DPF3: variants seen among roughly 807,000 people sequenced by gnomAD.
DPF3 encodes double PHD fingers 3, also known as zinc finger protein DPF3.
DPF3 carries 18 observed loss-of-function variants against 56.8 expected under a neutral mutation model. That is an observed-to-expected ratio of 0.32 (90% confidence interval 0.22 to 0.47). DPF3 has a LOEUF of 0.47. Ranked by LOEUF, DPF3 falls within the 20% of genes least tolerant of loss-of-function variation. DPF3 has a pLI of 1.00. For missense variants in DPF3, 403 were observed against 488.8 expected (o/e 0.82, Z 1.65); for synonymous variants, 188 against 180.2 (o/e 1.04, Z -0.35).
At position 72,822,446 on chromosome 14, in the gene DPF3, C is replaced by G. The variant is rs151320517; in HGVS notation, c.33-50553G>C. 3.7e-4 allele frequency among the ~76,000 whole-genome samples: 56 copies of G among 152,028 alleles called. 1 individual carries two copies. In the East Asian group the frequency reaches 4.4e-3, roughly 12 times the overall value. On this transcript the variant is annotated intron_variant, in intron 1 of 10. Coordinates refer to ENST00000556509, the MANE Select transcript of DPF3 (RefSeq NM_001280542.3). The stretch of plus-strand genomic sequence containing the variant: ...TTAAAAAATTTTTAAAGGTGCAGAA[C>G]AGGGCACTTGGAATGCTACTATTTG...
At chr14:72,712,667 G>A (rs1439671291) in intron 6 of DPF3, among the ~76,000 whole-genome samples, 1 of 152,174 alleles carries the variant, frequency 6.6e-6, no homozygotes, top group East Asian at 1.9e-4. Context: ...GAAACCAGGA[G>A]TTCAAGACCA....
chr14:72,764,953 G>A (rs1034393379), intron 2 of DPF3, among the ~76,000 whole-genome samples: 3 of 152,202 alleles, frequency 2.0e-5, no homozygotes, highest in East Asian at 1.9e-4. Context: ...GGAATCTGAC[G>A]ATATCTCACA....
At chr14:72,735,105 G>T (rs1889835709) in intron 3 of DPF3, among the ~76,000 whole-genome samples, 2 of 152,086 alleles carry the variant, frequency 1.3e-5, no homozygotes, top group African/African-American at 4.8e-5. Flanking sequence ...TAATTAGGCT[G>T]CATGGACTCC....
intron 1 of DPF3, among the ~76,000 whole-genome samples, chr14:72,886,724 C>T (rs1318517932): frequency 1.3e-5 from 2 of 152,072 alleles, no homozygotes; most frequent in African/African-American, 4.8e-5. Flanking sequence ...TCCCCCTTCT[C>T]TTTATGCTTG....
chr14:72,883,273 C>T (rs1286350408), intron 1 of DPF3, among the ~76,000 whole-genome samples: 1 of 152,036 alleles, frequency 6.6e-6, no homozygotes, highest in Non-Finnish European at 1.5e-5. Flanking sequence ...CCAGCCTGGG[C>T]AGCACAGTGA....
chr14:72,721,133 TAGAGATA>T (rs1039069062), intron 5 of DPF3, among the ~76,000 whole-genome samples: 3 of 152,142 alleles, frequency 2.0e-5, no homozygotes, highest in African/African-American at 4.8e-5. Flanking sequence ...AGTGCAGAAA[TAGAGATA>T]GGAGTCTAAA....
intron 1 of DPF3, among the ~76,000 whole-genome samples, chr14:72,846,126 T>TATTTTA (rs1555512645): frequency 1.5e-5 from 2 of 131,878 alleles, no homozygotes; most frequent in African/African-American, 5.7e-5. Flanking sequence ...TATTTTATTT[T>TATTTTA]ATTTGAGACA....
At chr14:72,731,605 G>A in intron 4 of DPF3, 1 of 640,720 alleles carries the variant, frequency 1.6e-6, no homozygotes, top group South Asian at 2.0e-5. Flanking sequence ...GGGAACCGAG[G>A]TGAAGGCAAT....
In DPF3 at chr14:72,838,908, C is replaced by CTTTTTTTTTTTTTTTT. The variant is rs376458640; in HGVS notation, c.32+55133_32+55148dup. On this transcript the variant is annotated intron_variant, in intron 1 of 10. Transcript: ENST00000556509. ...TATCATATATATTATCATATATATT[C>CTTTTTTTTTTTTTTTT]TTTTTTTTTTTTTTTTTTTTTTTTT... 2.5e-4 allele frequency among the ~76,000 whole-genome samples: 20 copies of CTTTTTTTTTTTTTTTT among 78,584 alleles called. 6 individuals carry two copies. Among genetic ancestry groups the CTTTTTTTTTTTTTTTT allele is most frequent in the African/African-American group, 1.2e-3 (18 of 14,408 alleles). 51.6% of individuals were successfully genotyped at this position (78,584 alleles called of 152,430 possible).
chr14:72,796,774 C>T (rs1442307364), intron 1 of DPF3, among the ~76,000 whole-genome samples: 1 of 152,134 alleles, frequency 6.6e-6, no homozygotes, highest in Non-Finnish European at 1.5e-5. Context: ...CTCAAATACC[C>T]TGTGAGTGGT....
intron 3 of DPF3, among the ~76,000 whole-genome samples, chr14:72,741,757 C>T (rs1045706541): frequency 4.6e-5 from 7 of 152,344 alleles, no homozygotes; most frequent in South Asian, 2.1e-4. Flanking sequence ...GGGCCCTCGC[C>T]GTCAAGTTGT....
chr14:72,822,778 A>G (rs907825885), intron 1 of DPF3, among the ~76,000 whole-genome samples: 1 of 152,184 alleles, frequency 6.6e-6, no homozygotes. Context: ...GGAGAGTATT[A>G]TGAGTTGAGT....
rs1884267686 is a variant in DPF3 at position 72,619,193 on chromosome 14, T to C, written c.*104A>G. 17 of 1,156,994 alleles carry C rather than the reference T, an allele frequency of 1.5e-5. No homozygotes were observed. Among genetic ancestry groups the C allele is most frequent in the Non-Finnish European group, 2.1e-5 (17 of 827,650 alleles). 71.7% of individuals were successfully genotyped at this position (1,156,994 alleles called of 1,614,324 possible). A position where few individuals can be genotyped will look rare whatever the true frequency, so the allele number is the denominator to read the frequency against. ...CCCCTCTGGGACTATTTCTTTTCCT[T>C]GCAGTTGGTCTGGCTGGATATGTGG... On this transcript the variant is annotated 3_prime_UTR_variant, in exon 11 of 11. Transcript: ENST00000556509.
chr14:72,751,171 CAG>C (rs1890557672), intron 3 of DPF3, among the ~76,000 whole-genome samples: 2 of 152,206 alleles, frequency 1.3e-5, no homozygotes, highest in African/African-American at 2.4e-5. Context: ...GACTGGGCAA[CAG>C]AGCGTGACCC....
At chr14:72,814,727 C>T (rs1226962705) in intron 1 of DPF3, among the ~76,000 whole-genome samples, 2 of 151,848 alleles carry the variant, frequency 1.3e-5, no homozygotes, top group East Asian at 3.9e-4. Context: ...AGGAGAACTG[C>T]TTAACCGGGA....
chr14:72,839,081 C>G (rs986616872), intron 1 of DPF3, among the ~76,000 whole-genome samples: 20 of 151,308 alleles, frequency 1.3e-4, no homozygotes, highest in African/African-American at 4.6e-4. Context: ...CCACCACACC[C>G]AGCTAATTTT....
chr14:72,790,112 C>T (rs1892367216), intron 1 of DPF3, among the ~76,000 whole-genome samples: 1 of 151,748 alleles, frequency 6.6e-6, no homozygotes, highest in African/African-American at 2.4e-5. Flanking sequence ...ATTGGCCAGG[C>T]ACAATGGCTC....
intron 2 of DPF3, among the ~76,000 whole-genome samples, chr14:72,754,604 C>A (rs1890715003): frequency 6.6e-6 from 1 of 152,182 alleles, no homozygotes; most frequent in Non-Finnish European, 1.5e-5. Flanking sequence ...ACACCTAGGA[C>A]CATGGATTCA....
At chr14:72,867,534 G>A (rs2140106667) in intron 1 of DPF3, among the ~76,000 whole-genome samples, 1 of 152,290 alleles carries the variant, frequency 6.6e-6, no homozygotes, top group Admixed American at 6.5e-5. Flanking sequence ...TACTCTGAAA[G>A]CTTCTCTGTT....
Sources: allele counts gnomAD v4.1 joint callset (sites outside exome capture counted in the v4.1 genomes callset), GRCh38; gene constraint gnomAD v4.1.1; transcripts MANE v1.5; gene names NCBI Gene and HGNC (gene_info 2026-07-23, HGNC 2026-07-21).